Variants in TLR8 observed in about 807,000 individuals in gnomAD.
TLR8 encodes toll-like receptor 8.
Under a neutral mutation model 18.5 loss-of-function variants are expected in TLR8, and 5 were observed. That is an observed-to-expected ratio of 0.27 (90% CI 0.14 to 0.57). TLR8 has a LOEUF of 0.57. TLR8 is among the 20% of genes least tolerant of loss of function. TLR8 has a pLI of 0.92. For missense variants in TLR8, 543 were observed against 769.8 expected (o/e 0.71, Z 3.49); for synonymous variants, 299 against 300.1 (o/e 1.00, Z 0.04).
chrX:12,910,505 A>T, intron 1 of TLR8: 1 of 1,084,534 alleles, frequency 9.2e-7, no homozygotes, highest in South Asian at 2.0e-5. Flanking sequence ...TGCACTGCAC[A>T]CTACGTGGAA....
intron 1 of TLR8, among the ~76,000 whole-genome samples, chrX:12,909,288 G>GCC (rs1381034605): frequency 8.9e-6 from 1 of 112,157 alleles, no homozygotes; most frequent in Non-Finnish European, 1.9e-5. Context: ...AAAATATTAT[G>GCC]CATTTGTTTT....
rs762965940 is a variant in TLR8 at position 12,921,003 on chromosome X, C to T, written c.1963C>T (p.Pro655Ser). 46 of 1,208,615 alleles carry T rather than the reference C, an allele frequency of 3.8e-5. No homozygotes were observed. Among genetic ancestry groups the T allele is most frequent in the Middle Eastern group, 4.6e-4 (2 of 4,371 alleles). ...ATCCCTTAATAGGCTGAAGCACATC[C>T]CAAATGAAGCATTCCTTAATTTGCC... is the stretch of plus-strand genomic sequence containing the variant. ...DLSLNRLKHI[P>S]NEAFLNLPAS... Residue 655 changes from proline to serine, a missense_variant, in exon 2 of 2, where the codon CCA (proline) becomes TCA (serine). Transcript: ENST00000218032.
At position 12,920,214 on chromosome X, in the gene TLR8, C is replaced by A; in HGVS notation, c.1174C>A (p.Gln392Lys). 8.3e-7 allele frequency: 1 copy of A among 1,209,006 alleles called. No individual in the cohort carries two copies. Among genetic ancestry groups the A allele is most frequent in the Non-Finnish European group, 1.1e-6 (1 of 894,046 alleles). ...AGAAGATGATTTCCAGCCCCTGATG[C>A]AGCTTCCAAACTTATCGACTATCAA... ...LREDDFQPLM[Q>K]LPNLSTINLG... Residue 392 changes from glutamine to lysine, a missense_variant, in exon 2 of 2, where the codon CAG (glutamine) becomes AAG (lysine). Coordinates refer to ENST00000218032, the MANE Select transcript of TLR8 (RefSeq NM_138636.5).
intron 1 of TLR8, among the ~76,000 whole-genome samples, chrX:12,907,042 T>C (rs2042989601): frequency 8.9e-6 from 1 of 112,278 alleles, no homozygotes; most frequent in Non-Finnish European, 1.9e-5. Flanking sequence ...GACAATATCC[T>C]CTTCCAGAAC....
Position 12,919,360 on chromosome X carries a change from C to T in TLR8, c.320C>T (p.Pro107Leu). 5.8e-6 allele frequency: 7 copies of T among 1,211,395 alleles called. No homozygotes were observed. Among genetic ancestry groups the T allele is most frequent in the Non-Finnish European group, 5.6e-6 (5 of 895,373 alleles). The change falls in exon 2 of 2, where the codon CCC becomes CTC. Residue 107 changes from proline (P) to leucine (L), a missense_variant. Physicochemically the swap from Pro to Leu is moderately conservative, Grantham distance 98 (BLOSUM62 -3). Around this residue, in one of 4 missense-constraint regions of TLR8, gnomAD observed 117 missense variants for 111.0 expected, o/e 1.05. Coordinates refer to ENST00000218032, the MANE Select transcript of TLR8 (RefSeq NM_138636.5). The stretch of plus-strand genomic sequence containing the variant: ...AATGTACAGCACCAGAACGGAAATC[C>T]CGGTATACAATCAAATGGCTTGAAT... ...NPNVQHQNGN[P>L]GIQSNGLNIT...
intron 1 of TLR8, among the ~76,000 whole-genome samples, chrX:12,912,454 G>A (rs765174340): frequency 8.8e-6 from 1 of 113,051 alleles, no homozygotes; most frequent in Non-Finnish European, 1.9e-5. Flanking sequence ...CCCCATGCCG[G>A]GCATGGTCAC....
chrX:12,915,725 C>T (rs2043050202), intron 1 of TLR8, among the ~76,000 whole-genome samples: 2 of 112,422 alleles, frequency 1.8e-5, no homozygotes, highest in Admixed American at 1.9e-4. Context: ...ATTCCTGTCC[C>T]AGGGCTTCTC....
intron 1 of TLR8, among the ~76,000 whole-genome samples, chrX:12,912,523 C>A (rs1475865627): frequency 8.8e-6 from 1 of 113,638 alleles, no homozygotes; most frequent in Non-Finnish European, 1.9e-5. Context: ...GCAATCCATT[C>A]CAACTCTGTG....
chrX:12,922,454 C>T lies in TLR8; in HGVS notation c.*288C>T, dbSNP rs2043102771. 1.4e-5 allele frequency: 4 copies of T among 290,704 alleles called. No individual in the cohort carries two copies. Among genetic ancestry groups the T allele is most frequent in the Non-Finnish European group, 1.8e-5 (3 of 167,240 alleles). 24.0% of individuals were successfully genotyped at this position (290,704 alleles called of 1,213,427 possible). On this transcript the variant is annotated 3_prime_UTR_variant, in exon 2 of 2. Transcript: ENST00000218032. The stretch of plus-strand genomic sequence containing the variant: ...GATTCAATTCCTCCTGGGCTATTGG[C>T]CAAAGGCTATACTCATGTAAGCCAT...
chrX:12,913,584 C>G (rs1023198602), intron 1 of TLR8, among the ~76,000 whole-genome samples: 1 of 112,531 alleles, frequency 8.9e-6, no homozygotes, highest in African/African-American at 3.2e-5. Flanking sequence ...TTTATTTACC[C>G]AGACTACTAC....
rs2043091656 is a variant in TLR8 at position 12,921,188 on chromosome X, A to G, written c.2148A>G (p.Thr716=). 1 of 1,210,274 alleles carries G rather than the reference A, an allele frequency of 8.3e-7. No homozygotes were observed. Among genetic ancestry groups the G allele is most frequent in the Admixed American group, 2.2e-5 (1 of 45,789 alleles). The stretch of plus-strand genomic sequence containing the variant: ...CTGACTTTACATCTTCCCTTCGGAC[A>G]CTGCTGCTGAGTCATAACAGGATTT... ...SLSDFTSSLR[T]LLLSHNRISH... is the part of the protein sequence containing the mutation. The change falls in exon 2 of 2, where the codon ACA becomes ACG. Residue 716 remains threonine (T), a synonymous_variant. Coordinates refer to ENST00000218032, the MANE Select transcript of TLR8 (RefSeq NM_138636.5).
chrX:12,908,514 A>G (rs915309772), intron 1 of TLR8, among the ~76,000 whole-genome samples: 16 of 112,900 alleles, frequency 1.4e-4, no homozygotes, highest in Non-Finnish European at 3.0e-4. Context: ...GACTCAAATC[A>G]GAGGGGGAGC....
chrX:12,920,740 A>G lies in TLR8; in HGVS notation c.1700A>G (p.Tyr567Cys). The change falls in exon 2 of 2, where the codon TAT (tyrosine) becomes TGT (cysteine). Residue 567 changes from tyrosine (Y) to cysteine (C), a missense_variant. Physicochemically the swap from Tyr to Cys is radical, Grantham distance 194. This residue lies in a region of TLR8 where 14 missense variants were observed against 47.0 expected (regional missense o/e 0.30). Transcript: ENST00000218032. ...CTAGATCTCAGCTATAATTCACACT[A>G]TTTCAGAATAGCAGGCGTAACACAT... Reference protein sequence around the residue: ...EVLDLSYNSHYFRIAGVTHHL... With the variant: ...EVLDLSYNSHCFRIAGVTHHL... 1 of 1,211,147 alleles carries G rather than the reference A, an allele frequency of 8.3e-7. No homozygotes were observed. Among genetic ancestry groups the G allele is most frequent in the Non-Finnish European group, 1.1e-6 (1 of 895,114 alleles).
chrX:12,916,128 G>A (rs1018620603), intron 1 of TLR8, among the ~76,000 whole-genome samples: 5 of 111,566 alleles, frequency 4.5e-5, no homozygotes, highest in African/African-American at 1.3e-4. Context: ...TGATCGGCCC[G>A]CCTCGGCCTA....
chrX:12,915,626 C>T (rs764220331), intron 1 of TLR8, among the ~76,000 whole-genome samples: 2 of 112,263 alleles, frequency 1.8e-5, no homozygotes, highest in African/African-American at 3.3e-5. Flanking sequence ...CCATTCCAGT[C>T]CTCTGGGCCC....
Position 12,919,535 on chromosome X carries a change from C to A in TLR8, c.495C>A (p.Gly165=), listed in dbSNP as rs759806873. 1 of 1,202,279 alleles carries A rather than the reference C, an allele frequency of 8.3e-7. No individual in the cohort carries two copies. The highest frequency in any genetic ancestry group is 1.1e-6 in the Non-Finnish European group (1 of 892,391). ...QNNIYNITKE[G]ISRLINLKNL... is the part of the protein sequence containing the mutation. ...ATATATACAACATAACTAAAGAGGGCATTTCAAGACTTATAAACTTGAAAA... is the reference window on the plus strand; with the variant it reads ...ATATATACAACATAACTAAAGAGGGAATTTCAAGACTTATAAACTTGAAAA... Residue 165 remains glycine, a synonymous_variant, in exon 2 of 2, where the codon GGC becomes GGA. Coordinates refer to ENST00000218032, the MANE Select transcript of TLR8 (RefSeq NM_138636.5).
rs184806389 is a variant in TLR8 at position 12,920,973 on chromosome X, G to T, written c.1933G>T (p.Asp645Tyr). Residue 645 changes from aspartate (D) to tyrosine (Y), a missense_variant, in exon 2 of 2, where the codon GAT becomes TAT. Transcript: ENST00000218032. Reference sequence around the variant, plus strand: ...AGGTCTCAAGAATCTGACACGTCTGGATTTATCCCTTAATAGGCTGAAGCA... The same window carrying T: ...AGGTCTCAAGAATCTGACACGTCTGTATTTATCCCTTAATAGGCTGAAGCA... The part of the protein sequence containing the change: ...FKGLKNLTRL[D>Y]LSLNRLKHIP... 1.6e-5 allele frequency: 19 copies of T among 1,209,668 alleles called. No homozygotes were observed. Among genetic ancestry groups the T allele is most frequent in the East Asian group, 8.9e-5 (3 of 33,773 alleles).
intron 1 of TLR8, among the ~76,000 whole-genome samples, chrX:12,909,834 A>G (rs908924909): frequency 8.9e-6 from 1 of 112,180 alleles, no homozygotes; most frequent in Non-Finnish European, 1.9e-5. Context: ...TCTGTAAAGC[A>G]GGGGCCTCAT....
chrX:12,912,988 C>T (rs749674708), intron 1 of TLR8, among the ~76,000 whole-genome samples: 2 of 112,118 alleles, frequency 1.8e-5, no homozygotes, highest in South Asian at 3.7e-4. Flanking sequence ...CCTCTGGACC[C>T]GCCCAAGTGT....
Sources: allele counts gnomAD v4.1 joint callset (sites outside exome capture counted in the v4.1 genomes callset), GRCh38; gene constraint gnomAD v4.1.1; regional missense constraint gnomAD v4.1.1; transcripts MANE v1.5; gene names NCBI Gene and HGNC (gene_info 2026-07-23, HGNC 2026-07-21).